GABBR2: variants seen among roughly 807,000 people sequenced by gnomAD.
The protein encoded by GABBR2 is gamma-aminobutyric acid type B receptor subunit 2.
In GABBR2, 23 loss-of-function variants were observed where a neutral mutation model predicts 105.6. That is an observed-to-expected ratio of 0.22 (90% CI 0.16 to 0.31). The LOEUF is 0.31. Among genes scored for constraint, GABBR2 ranks in the 10% least tolerant of loss-of-function variants. GABBR2 has a pLI of 1.00. For missense variants in GABBR2, 734 were observed against 1,245.5 expected (o/e 0.59, Z 6.18); for synonymous variants, 478 against 499.7 (o/e 0.96, Z 0.58).
intron 17 of GABBR2, among the ~76,000 whole-genome samples, chr9:98,298,652 T>C (rs1830420130): frequency 6.6e-6 from 1 of 152,232 alleles, no homozygotes; most frequent in Non-Finnish European, 1.5e-5. Flanking sequence ...AGATGGGGTC[T>C]TGCTATGCTG....
chr9:98,389,319 A>T (rs1832137225), intron 9 of GABBR2, among the ~76,000 whole-genome samples: 1 of 152,224 alleles, frequency 6.6e-6, no homozygotes, highest in Non-Finnish European at 1.5e-5. Context: ...CCAAGGCAAC[A>T]ACGGCCTGGA....
chr9:98,322,910 G>A (rs1329517487), intron 13 of GABBR2, among the ~76,000 whole-genome samples: 1 of 151,876 alleles, frequency 6.6e-6, no homozygotes, highest in Non-Finnish European at 1.5e-5. Flanking sequence ...CCCCACCCCT[G>A]TCATCTGTAC....
chr9:98,343,790 G>A (rs113589188), intron 13 of GABBR2, among the ~76,000 whole-genome samples: 6,570 of 152,098 alleles, frequency 0.043, 210 homozygotes, highest in Middle Eastern at 0.11. Flanking sequence ...CCCGGGAGGT[G>A]GAGCTTGCAG....
At chr9:98,403,387 T>G (rs1231041099) in intron 8 of GABBR2, among the ~76,000 whole-genome samples, 1 of 138,280 alleles carries the variant, frequency 7.2e-6, no homozygotes, top group Admixed American at 8.8e-5. Flanking sequence ...TGGACACAAA[T>G]GCAGAGAGGG....
At chr9:98,349,306 A>C (rs992661947) in intron 13 of GABBR2, among the ~76,000 whole-genome samples, 15 of 108,602 alleles carry the variant, frequency 1.4e-4, no homozygotes, top group African/African-American at 5.8e-4. Context: ...TATCTTTTTG[A>C]TGTGTTGTTG....
chr9:98,509,668 C>G (rs1280910102), intron 3 of GABBR2, among the ~76,000 whole-genome samples: 1 of 152,014 alleles, frequency 6.6e-6, no homozygotes, highest in East Asian at 1.9e-4. Context: ...GAAAGGGTAT[C>G]AGGGATGGAA....
chr9:98,589,699 G>A (rs924573863), intron 1 of GABBR2, among the ~76,000 whole-genome samples: 1 of 150,494 alleles, frequency 6.6e-6, no homozygotes, highest in Non-Finnish European at 1.5e-5. Flanking sequence ...AAGGTATGCT[G>A]AGTTTGGCTG....
chr9:98,393,342 ACCATCCATCCAT>A (rs921463721), intron 9 of GABBR2, among the ~76,000 whole-genome samples: 3 of 104,704 alleles, frequency 2.9e-5, no homozygotes, highest in South Asian at 6.2e-4. Context: ...CATCCACCCA[ACCATCCATCCAT>A]CCATCCATCC....
intron 1 of GABBR2, among the ~76,000 whole-genome samples, chr9:98,621,474 C>T (rs1382765034): frequency 6.6e-6 from 1 of 152,184 alleles, no homozygotes; most frequent in Non-Finnish European, 1.5e-5. Context: ...GAATATGATT[C>T]CTCCACCTCG....
chr9:98,633,380 C>T (rs572867032), intron 1 of GABBR2, among the ~76,000 whole-genome samples: 13 of 152,222 alleles, frequency 8.5e-5, no homozygotes, highest in Non-Finnish European at 1.5e-4. Context: ...CCCAGCACTT[C>T]GAGAGGCCAA....
intron 8 of GABBR2, among the ~76,000 whole-genome samples, chr9:98,405,303 CCAGCTACT>C (rs1170468089): frequency 6.6e-6 from 1 of 152,042 alleles, no homozygotes; most frequent in Non-Finnish European, 1.5e-5. Flanking sequence ...GTCTGTGGTC[CCAGCTACT>C]TAGGAGGCTG....
At chr9:98,444,012 C>T (rs1451031905) in intron 7 of GABBR2, among the ~76,000 whole-genome samples, 3 of 152,216 alleles carry the variant, frequency 2.0e-5, no homozygotes, top group Non-Finnish European at 4.4e-5. Flanking sequence ...AGAATATGGA[C>T]TTTGAGTCAG....
chr9:98,498,532 G>A (rs1344100810), intron 3 of GABBR2, among the ~76,000 whole-genome samples: 1 of 152,228 alleles, frequency 6.6e-6, no homozygotes, highest in African/African-American at 2.4e-5. Context: ...AAAACAGACT[G>A]TGATGGGAGC....
intron 1 of GABBR2, among the ~76,000 whole-genome samples, chr9:98,619,156 T>C (rs1829633779): frequency 6.6e-6 from 1 of 152,056 alleles, no homozygotes; most frequent in Non-Finnish European, 1.5e-5. Flanking sequence ...TATAACTCCC[T>C]AGCAAAAGGA....
At chr9:98,350,708 T>A (rs78614133) in intron 13 of GABBR2, among the ~76,000 whole-genome samples, 1 of 152,216 alleles carries the variant, frequency 6.6e-6, no homozygotes, top group African/African-American at 2.4e-5. Context: ...AAAACGTGTA[T>A]TCTGTAGCCA....
chr9:98,473,244 G>C lies in GABBR2; in HGVS notation c.901C>G (p.Arg301Gly). The C allele has an allele frequency of 2.5e-6, 4 of 1,613,556 alleles. No homozygotes were observed. The highest frequency in any genetic ancestry group is 2.5e-6 in the Non-Finnish European group (3 of 1,179,696). The change falls in exon 6 of 19, where the codon CGC becomes GGC. Residue 301 changes from arginine (R) to glycine (G), a missense_variant. By Grantham distance (125) the Arg-to-Gly change is moderately radical (BLOSUM62 -2). Coordinates refer to ENST00000259455, the MANE Select transcript of GABBR2 (RefSeq NM_005458.8). ...GCAAGCAGATTCTTCCGGAGGCAGC[G>C]GGATGAGTTGGCTTCCGTGTGCACC... is the stretch of plus-strand genomic sequence containing the variant. ...EQVHTEANSS[R>G]CLRKNLLAAM...
At chr9:98,428,909 A>G (rs571353298) in intron 7 of GABBR2, among the ~76,000 whole-genome samples, 188 of 152,306 alleles carry the variant, frequency 1.2e-3, no homozygotes, top group African/African-American at 4.3e-3. Context: ...TCCTTTGCTT[A>G]AGTACAGTTT....
chr9:98,708,601 G>A lies in GABBR2; in HGVS notation c.137C>T (p.Ala46Val), dbSNP rs753441454. 4 of 1,415,122 alleles carry A rather than the reference G, an allele frequency of 2.8e-6. No homozygotes were observed. Among genetic ancestry groups the A allele is most frequent in the South Asian group, 1.5e-5 (1 of 64,976 alleles). The allele number at this position is 1,415,122 out of a possible 1,614,324, so 87.7% of individuals were successfully genotyped here. ...APGAWGWARG[A>V]PRPPPSSPPL... ...CGGGCTGCTGGGCGGCGGCCGGGGG[G>A]CGCCCCGCGCCCAGCCCCAGGCCCC... The change falls in exon 1 of 19, where the codon GCC becomes GTC. Residue 46 changes from alanine (A) to valine (V), a missense_variant. Physicochemically the swap from Ala to Val is moderately conservative, Grantham distance 64. Transcript: ENST00000259455.
At chr9:98,350,738 ACTGT>A (rs913063205) in intron 13 of GABBR2, among the ~76,000 whole-genome samples, 3 of 152,128 alleles carry the variant, frequency 2.0e-5, no homozygotes, top group Admixed American at 2.0e-4. Flanking sequence ...ACGTTCTATA[ACTGT>A]CTGTTAGGTC....
Sources: gnomAD v4.1 joint callset for allele counts (sites outside exome capture counted in the v4.1 genomes callset) on GRCh38, gnomAD v4.1.1 for gene constraint, MANE v1.5 for transcripts, NCBI Gene and HGNC (gene_info 2026-07-23, HGNC 2026-07-21) for gene names.